PGM2L1: variants seen among roughly 807,000 people sequenced by gnomAD.
PGM2L1 encodes glucose 1,6-bisphosphate synthase.
In PGM2L1, 35 loss-of-function variants were observed where a neutral mutation model predicts 73.4. The observed-to-expected ratio is 0.48, with a 90% CI of 0.36 to 0.63. The LOEUF (loss-of-function observed/expected upper bound fraction) is 0.63, where lower values mean the gene tolerates loss of function less well. Ranked by LOEUF, PGM2L1 falls within the 30% of genes least tolerant of loss-of-function variation. The pLI is 0.00. For missense variants in PGM2L1, 570 were observed against 742.0 expected (o/e 0.77, Z 2.69); for synonymous variants, 225 against 253.8 (o/e 0.89, Z 1.08).
chr11:74,388,847 T>A (rs658126), intron 1 of PGM2L1, among the ~76,000 whole-genome samples: 1 of 152,128 alleles, frequency 6.6e-6, no homozygotes, highest in African/African-American at 2.4e-5. Context: ...TAACTCCCGA[T>A]ACTAGAGGGC....
At chr11:74,353,565 C>A (rs1466990975) in intron 5 of PGM2L1, among the ~76,000 whole-genome samples, 8 of 151,416 alleles carry the variant, frequency 5.3e-5, no homozygotes, top group African/African-American at 1.9e-4. Context: ...CTTCAAGCAT[C>A]TGTTTAACAA....
chr11:74,336,662 C>A lies in PGM2L1; in HGVS notation c.1859G>T (p.Arg620Leu). Residue 620 changes from arginine (R) to leucine (L), a missense_variant, in exon 14 of 14, where the codon CGT becomes CTT. Transcript: ENST00000298198. ...LQPSKNGLIW[R>L]SV ...CATATTGGTGTACCCCTAAACAGAA[C>A]GCCAGATCAGTCCATTCTTACTAGG... 2 of 1,605,722 alleles carry A rather than the reference C, an allele frequency of 1.2e-6. No individual in the cohort carries two copies. The highest frequency in any genetic ancestry group is 1.7e-6 in the Non-Finnish European group (2 of 1,174,028).
chr11:74,346,898 T>C, intron 7 of PGM2L1, 69 bp from the exon 8 acceptor site: 1 of 1,233,570 alleles, frequency 8.1e-7, no homozygotes, highest in Non-Finnish European at 1.2e-6. Context: ...TTCCTGTATG[T>C]AGGCACAATG....
In PGM2L1 at chr11:74,332,616, T is replaced by C. The variant is rs912884108; in HGVS notation, c.*4036A>G. ...AAAATTAAATGTATCCAAGTGAAGT[T>C]TGGATTTTTCAAGCATCACAAATAT... is the stretch of plus-strand genomic sequence containing the variant. On this transcript the variant is annotated 3_prime_UTR_variant, in exon 14 of 14. Transcript: ENST00000298198. 8.5e-5 allele frequency: 13 copies of C among 152,552 alleles called. No homozygotes were observed. Among genetic ancestry groups the C allele is most frequent in the South Asian group, 6.2e-4 (3 of 4,826 alleles). The allele number at this position is 152,552 out of a possible 1,614,324, so 9.4% of individuals were successfully genotyped here. A position where few individuals can be genotyped will look rare whatever the true frequency, so the allele number is the denominator to read the frequency against.
intron 5 of PGM2L1, among the ~76,000 whole-genome samples, chr11:74,364,941 A>C (rs1435027208): frequency 6.6e-6 from 1 of 152,172 alleles, no homozygotes; most frequent in African/African-American, 2.4e-5. Flanking sequence ...AGCTGGAGGC[A>C]TCACACTACC....
At chr11:74,388,497 C>G (rs1591192591) in intron 1 of PGM2L1, among the ~76,000 whole-genome samples, 1 of 152,012 alleles carries the variant, frequency 6.6e-6, no homozygotes, top group East Asian at 1.9e-4. Context: ...AGGCTTTTCC[C>G]TCATTTTTAC....
chr11:74,376,611 G>A (rs548218600), intron 1 of PGM2L1, among the ~76,000 whole-genome samples: 31 of 151,362 alleles, frequency 2.0e-4, no homozygotes, highest in Admixed American at 5.3e-4. Context: ...GTATATATAC[G>A]TATGTATACA....
Position 74,389,510 on chromosome 11 carries a change from C to T in PGM2L1, c.111+8541G>A, listed in dbSNP as rs1022574170. Among the ~76,000 whole-genome samples the T allele has an allele frequency of 3.3e-5, 5 of 151,624 alleles. No homozygotes were observed. The East Asian group carries it at 8.0e-4, about 24-fold the overall frequency. On this transcript the variant is annotated intron_variant, in intron 1 of 13. Transcript: ENST00000298198. ...TGTCACCCAGGCTGGAGTGCAGTGGCGCGATCTTGGCTCACTGCAGCCTCC... is the reference window on the plus strand; with the variant it reads ...TGTCACCCAGGCTGGAGTGCAGTGGTGCGATCTTGGCTCACTGCAGCCTCC...
At position 74,396,086 on chromosome 11, in the gene PGM2L1, TA is replaced by T. The variant is rs560577211; in HGVS notation, c.111+1964del. Among the ~76,000 whole-genome samples the T allele has an allele frequency of 1.4e-3, 199 of 146,130 alleles. 2 individuals are homozygous for T. The highest frequency in any genetic ancestry group is 3.6e-3 in the Middle Eastern group (1 of 280). ...GGGCAACATAGTGAGACCCCATTTC[TA>T]AAAAAAAAAAAATTTTTTTTAATTA... On this transcript the variant is annotated intron_variant, in intron 1 of 13. Coordinates refer to ENST00000298198, the MANE Select transcript of PGM2L1 (RefSeq NM_173582.6).
At chr11:74,343,567 T>TA in intron 9 of PGM2L1, 151 bp from the exon 10 acceptor site, 1 of 1,189,092 alleles carries the variant, frequency 8.4e-7, no homozygotes, top group Non-Finnish European at 1.1e-6. Context: ...AGACATATAG[T>TA]AATGAAGGGC....
At chr11:74,371,667 T>C in intron 3 of PGM2L1, 44 bp downstream of exon 3, 1 of 1,532,768 alleles carries the variant, frequency 6.5e-7, no homozygotes, top group Non-Finnish European at 9.0e-7. Flanking sequence ...TTAAATATGT[T>C]TTATTCTATT....
In PGM2L1 at chr11:74,343,109, G is replaced by A. The variant is rs950645997; in HGVS notation, c.1313-95C>T. On this transcript the variant is annotated intron_variant, in intron 10 of 13. Coordinates refer to ENST00000298198, the MANE Select transcript of PGM2L1 (RefSeq NM_173582.6). The stretch of plus-strand genomic sequence containing the variant: ...TTCAGAAGGACCAGGAAATTTAAAA[G>A]CCTAGTAATAGATGAAACTCATCAA... The A allele has an allele frequency of 7.6e-6, 11 of 1,445,272 alleles. No homozygotes were observed. In the African/African-American group the frequency reaches 1.4e-4, roughly 19 times the overall value. 89.5% of individuals were successfully genotyped at this position (1,445,272 alleles called of 1,614,324 possible).
intron 1 of PGM2L1, among the ~76,000 whole-genome samples, chr11:74,378,273 G>A (rs1228322402): frequency 6.6e-6 from 1 of 151,800 alleles, no homozygotes; most frequent in East Asian, 1.9e-4. Flanking sequence ...CTGCACTCCA[G>A]CCTGGGCAAC....
intron 12 of PGM2L1, among the ~76,000 whole-genome samples, chr11:74,339,301 A>G (rs1862147600): frequency 6.6e-6 from 1 of 152,202 alleles, no homozygotes. Context: ...ATAAAAATTA[A>G]AAAAAGAAGT....
intron 12 of PGM2L1, 65 bp downstream of exon 12, chr11:74,342,396 G>T: frequency 7.9e-7 from 1 of 1,258,718 alleles, no homozygotes; most frequent in South Asian, 1.9e-5. Context: ...TCCTGCCTCT[G>T]GACTTTTTGG....
intron 12 of PGM2L1, among the ~76,000 whole-genome samples, chr11:74,339,795 G>A (rs1325893038): frequency 1.3e-5 from 2 of 152,150 alleles, no homozygotes; most frequent in African/African-American, 4.8e-5. Context: ...AAGAGAATAT[G>A]CTTTTTCATC....
At chr11:74,391,830 G>C (rs1863106406) in intron 1 of PGM2L1, among the ~76,000 whole-genome samples, 1 of 98,152 alleles carries the variant, frequency 1.0e-5, no homozygotes, top group Non-Finnish European at 2.0e-5. Flanking sequence ...ATATAAGCTG[G>C]TATGGGTTTT....
At chr11:74,371,687 T>C in intron 3 of PGM2L1, 24 bp downstream of exon 3, 2 of 1,579,162 alleles carry the variant, frequency 1.3e-6, no homozygotes, top group Non-Finnish European at 1.7e-6. Context: ...TTCAACTTAA[T>C]CTTTGAAACA....
chr11:74,362,956 CA>C (rs1862590267), intron 5 of PGM2L1, among the ~76,000 whole-genome samples: 1 of 152,208 alleles, frequency 6.6e-6, no homozygotes, highest in Admixed American at 6.5e-5. Flanking sequence ...CACCACATTG[CA>C]CTTGTTCCAA....
Sources: allele counts gnomAD v4.1 joint callset (sites outside exome capture counted in the v4.1 genomes callset), GRCh38; gene constraint gnomAD v4.1.1; transcripts MANE v1.5; gene names NCBI Gene and HGNC (gene_info 2026-07-23, HGNC 2026-07-21).